RANBP2: variants seen among roughly 807,000 people sequenced by gnomAD.
RANBP2 encodes RAN binding protein 2.
A neutral mutation model predicts 303.6 loss-of-function variants in RANBP2; 57 were observed. That is an observed-to-expected ratio of 0.19 (90% CI 0.15 to 0.23). RANBP2 has a LOEUF of 0.23. Ranked by LOEUF, RANBP2 falls within the 10% of genes least tolerant of loss-of-function variation. The probability of loss-of-function intolerance (pLI) is 1.00; values close to 1 mark genes in which losing one functional copy is unlikely to be tolerated. For missense variants in RANBP2, 3,138 were observed against 3,780.8 expected, an observed-to-expected ratio of 0.83 and a Z score of 4.46; for synonymous variants, 1,167 against 1,301.5, an observed-to-expected ratio of 0.90 and a Z score of 2.23.
chr2:108,725,576 A>AT (rs1694634341), intron 1 of RANBP2, among the ~76,000 whole-genome samples: 1 of 152,168 alleles, frequency 6.6e-6, no homozygotes. Flanking sequence ...CTTGGCCAAC[A>AT]TGGTGAAACC....
chr2:109,276,229 G>A, the RANBP2 span, among the ~76,000 whole-genome samples: 2 of 152,210 alleles, frequency 1.3e-5, no homozygotes, highest in African/African-American at 4.8e-5. Flanking sequence ...GAGTCTGAAC[G>A]TCCCTGGAGG....
chr2:109,266,134 T>C, the RANBP2 span, among the ~76,000 whole-genome samples: 7 of 151,692 alleles, frequency 4.6e-5, no homozygotes, highest in Admixed American at 1.3e-4. Context: ...CAGTGTGTTG[T>C]AGGTGCATGT....
chr2:108,810,003 G>C, the RANBP2 span, among the ~76,000 whole-genome samples: 1 of 152,088 alleles, frequency 6.6e-6, no homozygotes, highest in Non-Finnish European at 1.5e-5. Flanking sequence ...ACGGGGTTTT[G>C]CTGTATTGGC....
chr2:109,478,227 G>A, the RANBP2 span, among the ~76,000 whole-genome samples: 4 of 152,206 alleles, frequency 2.6e-5, no homozygotes, highest in Non-Finnish European at 5.9e-5. Flanking sequence ...GGCTCCCAGT[G>A]TATTTTTCAT....
downstream of RANBP2, among the ~76,000 whole-genome samples, chr2:108,786,363 G>C (rs1183596469): frequency 6.6e-6 from 1 of 151,330 alleles, no homozygotes; most frequent in Non-Finnish European, 1.5e-5. Flanking sequence ...CTTAGCAGCC[G>C]GGACTACACG....
the RANBP2 span, among the ~76,000 whole-genome samples, chr2:108,815,200 G>A: frequency 6.6e-6 from 1 of 152,068 alleles, no homozygotes; most frequent in Non-Finnish European, 1.5e-5. Context: ...AGAAGAGAAA[G>A]ATAAGTTTCA....
chr2:109,145,538 C>T, the RANBP2 span, among the ~76,000 whole-genome samples: 2 of 152,232 alleles, frequency 1.3e-5, no homozygotes, highest in African/African-American at 4.8e-5. Context: ...GGGGCTGCTT[C>T]CTCACACATC....
At chr2:109,625,102 A>AG in the RANBP2 span, among the ~76,000 whole-genome samples, 7 of 150,456 alleles carry the variant, frequency 4.7e-5, no homozygotes, top group African/African-American at 1.7e-4. Context: ...AAAAAAAAAA[A>AG]AAAAAGAAAA....
the RANBP2 span, among the ~76,000 whole-genome samples, chr2:109,641,580 G>T: frequency 1.3e-5 from 2 of 152,156 alleles, no homozygotes; most frequent in Non-Finnish European, 2.9e-5. Context: ...ATGGTTTCCA[G>T]GGGCTAGGAG....
the RANBP2 span, among the ~76,000 whole-genome samples, chr2:109,678,278 C>T: frequency 6.6e-6 from 1 of 152,248 alleles, no homozygotes; most frequent in Non-Finnish European, 1.5e-5. Flanking sequence ...TATTCACACC[C>T]AAGAACTACT....
the RANBP2 span, among the ~76,000 whole-genome samples, chr2:109,471,211 A>G: frequency 7.1e-6 from 1 of 141,130 alleles, no homozygotes; most frequent in Non-Finnish European, 1.5e-5. Flanking sequence ...TGTCTCAAAA[A>G]AAAAAAAAAA....
At chr2:109,313,795 C>T in the RANBP2 span, among the ~76,000 whole-genome samples, 6 of 152,202 alleles carry the variant, frequency 3.9e-5, no homozygotes, top group Non-Finnish European at 7.3e-5. Flanking sequence ...GCTGTGGCAG[C>T]ATGAGTGAAA....
chr2:108,980,676 A>G, the RANBP2 span, among the ~76,000 whole-genome samples: 43 of 152,236 alleles, frequency 2.8e-4, no homozygotes, highest in African/African-American at 9.6e-4. Context: ...ACGACGTGTT[A>G]GCATAGACCT....
chr2:108,811,136 T>C, the RANBP2 span, among the ~76,000 whole-genome samples: 7 of 150,478 alleles, frequency 4.7e-5, no homozygotes, highest in African/African-American at 1.2e-4. Flanking sequence ...TCTTCCCTTC[T>C]TCCCCTCCCT....
At chr2:109,035,944 G>C in the RANBP2 span, among the ~76,000 whole-genome samples, 1 of 152,200 alleles carries the variant, frequency 6.6e-6, no homozygotes, top group East Asian at 1.9e-4. Flanking sequence ...AATGACAGTG[G>C]ATTTCTCATC....
chr2:109,151,448 G>T, the RANBP2 span, among the ~76,000 whole-genome samples: 1 of 152,164 alleles, frequency 6.6e-6, no homozygotes. Flanking sequence ...AATACAAATA[G>T]AATTTGAGCC....
chr2:108,786,772 C>A (rs375537458), downstream of RANBP2: 10 of 1,501,912 alleles, frequency 6.7e-6, no homozygotes, highest in South Asian at 7.2e-5. Flanking sequence ...CGTAGCGCCG[C>A]GGGTTTGATG....
chr2:109,456,314 T>C, the RANBP2 span, among the ~76,000 whole-genome samples: 1 of 152,246 alleles, frequency 6.6e-6, no homozygotes, highest in Non-Finnish European at 1.5e-5. Context: ...ATTGTCAGGC[T>C]GCCTTCCGAG....
chr2:109,309,352 C>T, the RANBP2 span, among the ~76,000 whole-genome samples: 11 of 150,044 alleles, frequency 7.3e-5, no homozygotes, highest in Admixed American at 6.6e-5. Flanking sequence ...CTGAAGGAAG[C>T]GCTAAACATG....
Sources: gnomAD v4.1 joint callset for allele counts (sites outside exome capture counted in the v4.1 genomes callset) on GRCh38, gnomAD v4.1.1 for gene constraint, MANE v1.5 for transcripts, NCBI Gene and HGNC (gene_info 2026-07-23, HGNC 2026-07-21) for gene names.